TRPC5: variants seen among roughly 807,000 people sequenced by gnomAD.
The protein encoded by TRPC5 is transient receptor potential cation channel subfamily C member 5.
In TRPC5, 9 loss-of-function variants were observed where a neutral mutation model predicts 56.5. That is an observed-to-expected ratio of 0.16 (90% CI 0.10 to 0.28). TRPC5 has a LOEUF of 0.28. TRPC5 is among the 10% of genes least tolerant of loss of function. TRPC5 has a pLI of 1.00. For synonymous variants in TRPC5, 282 were observed against 278.5 expected (o/e 1.01, Z -0.13); for missense variants, 469 against 748.9 (o/e 0.63, Z 4.36).
At chrX:112,064,999 G>A (rs112779978) in intron 1 of TRPC5, among the ~76,000 whole-genome samples, 3,439 of 108,569 alleles carry the variant, frequency 0.032, 145 homozygotes, top group African/African-American at 0.11. Context: ...GCGTGAACCC[G>A]GGAGGCAGAG....
At chrX:111,968,410 G>A (rs370295589) in intron 1 of TRPC5, among the ~76,000 whole-genome samples, 7 of 111,121 alleles carry the variant, frequency 6.3e-5, no homozygotes, top group Non-Finnish European at 1.1e-4. Context: ...TGTGGAAGTC[G>A]GTGTGGCAAT....
rs752428446 is a variant in TRPC5 at position 112,045,830 on chromosome X, C to T, written c.-22+36049G>A. On this transcript the variant is annotated intron_variant, in intron 1 of 10. Coordinates refer to ENST00000262839, the MANE Select transcript of TRPC5 (RefSeq NM_012471.3). Reference sequence around the variant, plus strand: ...GGTGTCTTCTGTATTTAAACTGATTCGATTTATCAAACTGGGAAAATAAAG... The same window carrying T: ...GGTGTCTTCTGTATTTAAACTGATTTGATTTATCAAACTGGGAAAATAAAG... Among the ~76,000 whole-genome samples, 8 of 111,542 alleles carry T rather than the reference C, an allele frequency of 7.2e-5. No homozygotes were observed. In the East Asian group the frequency reaches 1.4e-3, roughly 20 times the overall value.
chrX:111,996,799 A>C (rs1338318079), intron 1 of TRPC5, among the ~76,000 whole-genome samples: 3 of 109,821 alleles, frequency 2.7e-5, no homozygotes, highest in African/African-American at 1.0e-4. Context: ...TAGGATTGCA[A>C]CCCCTGCTTT....
chrX:111,858,568 T>G, intron 3 of TRPC5, among the ~76,000 whole-genome samples: 1 of 111,417 alleles, frequency 9.0e-6, no homozygotes, highest in Non-Finnish European at 1.9e-5. Flanking sequence ...GGACTGCTTC[T>G]GTGTCTCTTT....
chrX:111,952,511 A>C, intron 1 of TRPC5, 70 bp from the exon 2 acceptor site: 1 of 1,038,289 alleles, frequency 9.6e-7, no homozygotes, highest in South Asian at 2.4e-5. Context: ...CCAGTTATGG[A>C]GGCAGCCCTG....
intron 7 of TRPC5, among the ~76,000 whole-genome samples, chrX:111,786,564 A>AT (rs1403075893): frequency 2.7e-5 from 3 of 111,367 alleles, no homozygotes; most frequent in Non-Finnish European, 5.6e-5. Context: ...CACACATAAA[A>AT]TATTAACCTT....
Position 111,825,142 on chromosome X carries a change from CCTTCCTTTCTTTCTTTCTTTCTTT to C in TRPC5, c.1896+9755_1896+9778del, listed in dbSNP as rs533992518. Reference sequence around the variant, plus strand: ...TTTTCTTTCTTTTCCTTCCTTCCTTCCTTCCTTTCTTTCTTTCTTTCTTTCTTTCTTTCTTTCTTTCTTTCTTTC... The same window carrying C: ...TTTTCTTTCTTTTCCTTCCTTCCTTCCTTTCTTTCTTTCTTTCTTTCTTTC... On this transcript the variant is annotated intron_variant, in intron 7 of 10. Coordinates refer to ENST00000262839, the MANE Select transcript of TRPC5 (RefSeq NM_012471.3). 6.8e-4 allele frequency among the ~76,000 whole-genome samples: 53 copies of C among 78,369 alleles called. 1 individual carries two copies. Among genetic ancestry groups the C allele is most frequent in the South Asian group, 1.1e-3 (2 of 1,849 alleles). 68.1% of individuals were successfully genotyped at this position (78,369 alleles called of 115,157 possible). A position where few individuals can be genotyped will look rare whatever the true frequency, so the allele number is the denominator to read the frequency against.
At chrX:111,984,882 A>C (rs190881028) in intron 1 of TRPC5, among the ~76,000 whole-genome samples, 1 of 112,594 alleles carries the variant, frequency 8.9e-6, no homozygotes, top group African/African-American at 3.2e-5. Flanking sequence ...AGACTAATAC[A>C]TTTATACTAT....
chrX:112,059,069 A>C (rs1930404270), intron 1 of TRPC5, among the ~76,000 whole-genome samples: 1 of 111,647 alleles, frequency 9.0e-6, no homozygotes, highest in Non-Finnish European at 1.9e-5. Flanking sequence ...ACTCTTTATC[A>C]AACTCTCTCC....
intron 7 of TRPC5, among the ~76,000 whole-genome samples, chrX:111,807,956 CTGTGTGTG>C (rs60688414): frequency 2.2e-5 from 2 of 91,924 alleles, no homozygotes; most frequent in African/African-American, 1.0e-4. Flanking sequence ...CTCTCTCTCT[CTGTGTGTG>C]TGTGTGTGTG....
chrX:111,892,956 GC>G (rs1304359885), intron 3 of TRPC5, among the ~76,000 whole-genome samples: 1 of 111,470 alleles, frequency 9.0e-6, no homozygotes, highest in Non-Finnish European at 1.9e-5. Context: ...AATTCGTTGT[GC>G]TAACTAACTA....
intron 1 of TRPC5, among the ~76,000 whole-genome samples, chrX:112,046,265 C>T (rs185033503): frequency 2.6e-4 from 27 of 103,375 alleles, no homozygotes; most frequent in Admixed American, 2.6e-3. Context: ...TTGTTCAAGG[C>T]TATTGGACTT....
chrX:111,902,131 T>C (rs1925381785), intron 3 of TRPC5: 2 of 1,152,273 alleles, frequency 1.7e-6, no homozygotes, highest in Non-Finnish European at 2.3e-6. Flanking sequence ...TAGACATGGA[T>C]AACTTATATG....
chrX:111,872,173 G>T (rs1402476278), intron 3 of TRPC5, among the ~76,000 whole-genome samples: 1 of 112,309 alleles, frequency 8.9e-6, no homozygotes, highest in Non-Finnish European at 1.9e-5. Context: ...CCCAGTCTCA[G>T]CTATTTTTTA....
At chrX:111,863,266 A>C (rs886685683) in intron 3 of TRPC5, among the ~76,000 whole-genome samples, 1 of 111,958 alleles carries the variant, frequency 8.9e-6, no homozygotes, top group Non-Finnish European at 1.9e-5. Flanking sequence ...GTGGAGTAGA[A>C]TCTCCTATTT....
chrX:111,905,163 A>T (rs1184927954), intron 3 of TRPC5, among the ~76,000 whole-genome samples: 1 of 106,267 alleles, frequency 9.4e-6, no homozygotes, highest in Non-Finnish European at 1.9e-5. Flanking sequence ...CTTGATTTTT[A>T]TGATTTTTTT....
chrX:111,810,579 A>C (rs1921673690), intron 7 of TRPC5, among the ~76,000 whole-genome samples: 1 of 111,720 alleles, frequency 9.0e-6, no homozygotes, highest in Admixed American at 9.5e-5. Context: ...AAACTCTATC[A>C]ATTCACATAT....
chrX:111,888,709 A>G lies in TRPC5; in HGVS notation c.900+23582T>C, dbSNP rs759452911. On this transcript the variant is annotated intron_variant, in intron 3 of 10. Transcript: ENST00000262839. ...ACTCTATCTCAAAAAAAAAAAAAAA[A>G]AAAAAAAAAAGAAAGAAAAGAAAAG... Among the ~76,000 whole-genome samples the G allele has an allele frequency of 6.0e-3, 626 of 104,494 alleles. 2 individuals carry two copies. Among genetic ancestry groups the G allele is most frequent in the Non-Finnish European group, 9.7e-3 (495 of 51,257 alleles). 90.7% of individuals were successfully genotyped at this position (104,494 alleles called of 115,157 possible).
chrX:111,809,796 C>T (rs922514477), intron 7 of TRPC5, among the ~76,000 whole-genome samples: 1 of 110,670 alleles, frequency 9.0e-6, no homozygotes, highest in Non-Finnish European at 1.9e-5. Context: ...GTGGTGAGAA[C>T]ATTTAAGATC....
Sources: gnomAD v4.1 joint callset for allele counts (sites outside exome capture counted in the v4.1 genomes callset) on GRCh38, gnomAD v4.1.1 for gene constraint, MANE v1.5 for transcripts, NCBI Gene and HGNC (gene_info 2026-07-23, HGNC 2026-07-21) for gene names.